Variants in TRAF7 observed in about 807,000 individuals in gnomAD.
The protein encoded by TRAF7 is E3 ubiquitin-protein ligase TRAF7.
TRAF7 carries 45 observed loss-of-function variants against 89.3 expected under a neutral mutation model. That is an observed-to-expected ratio of 0.50 (90% CI 0.40 to 0.65). The LOEUF (loss-of-function observed/expected upper bound fraction) is 0.65. Ranked by LOEUF, TRAF7 falls within the 30% of genes least tolerant of loss-of-function variation. TRAF7 has a pLI of 0.00. For synonymous variants in TRAF7, 406 were observed against 369.2 expected, an observed-to-expected ratio of 1.10 and a Z score of -1.14; for missense variants, 677 against 918.1, an observed-to-expected ratio of 0.74 and a Z score of 3.39.
intron 14 of TRAF7, 129 bp downstream of exon 14, chr16:2,174,462 C>T (rs963146293): frequency 2.5e-6 from 2 of 803,900 alleles, no homozygotes; most frequent in Non-Finnish European, 2.0e-6. Flanking sequence ...GGGCACCCTC[C>T]ACCCGGAGCA....
intron 11 of TRAF7, 54 bp downstream of exon 11, chr16:2,173,608 C>T: frequency 1.2e-6 from 2 of 1,600,390 alleles, no homozygotes; most frequent in Non-Finnish European, 1.7e-6. Flanking sequence ...AGGCCGGCGG[C>T]CCCGGCAGGG....
At chr16:2,167,776 G>C (rs2093092243) in intron 3 of TRAF7, among the ~76,000 whole-genome samples, 3 of 152,176 alleles carry the variant, frequency 2.0e-5, no homozygotes, top group African/African-American at 7.2e-5. Flanking sequence ...GGAGCTTGTA[G>C]AGGCCCTGAA....
chr16:2,163,536 C>G lies in TRAF7; in HGVS notation c.-38-347C>G, dbSNP rs530607117. On this transcript the variant is annotated intron_variant, in intron 1 of 20. Coordinates refer to ENST00000326181, the MANE Select transcript of TRAF7 (RefSeq NM_032271.3). This position sits in a 1 kb window ranked among gnomAD's most constrained non-coding sequence, Gnocchi z 4.3. ...CAGCCTTGGCCCCAGGGACATTCAG[C>G]CTGGAGGTGACTGGCTGTGACTCAG... 110 of 281,072 alleles carry G rather than the reference C, an allele frequency of 3.9e-4. No individual in the cohort carries two copies. Among genetic ancestry groups the G allele is most frequent in the African/African-American group, 2.4e-3 (105 of 43,918 alleles). 17.4% of individuals were successfully genotyped at this position (281,072 alleles called of 1,614,324 possible).
At position 2,176,726 on chromosome 16, in the gene TRAF7, G is replaced by A; in HGVS notation, c.*152G>A. 5 of 1,141,182 alleles carry A rather than the reference G, an allele frequency of 4.4e-6. No individual in the cohort carries two copies. The highest frequency in any genetic ancestry group is 6.4e-6 in the Non-Finnish European group (5 of 784,180). 70.7% of individuals were successfully genotyped at this position (1,141,182 alleles called of 1,614,324 possible). ...CCGGGCAGTGCCCTCCCCGTCCCAT[G>A]CTCGGCGAGCCTCCCTCTACTCGGC... On this transcript the variant is annotated 3_prime_UTR_variant, in exon 21 of 21. Coordinates refer to ENST00000326181, the MANE Select transcript of TRAF7 (RefSeq NM_032271.3).
At chr16:2,160,813 C>T (rs1347446168) in intron 1 of TRAF7, among the ~76,000 whole-genome samples, 1 of 152,024 alleles carries the variant, frequency 6.6e-6, no homozygotes. Flanking sequence ...CCCCCAGCCT[C>T]GATGACTGTG....
intron 4 of TRAF7, among the ~76,000 whole-genome samples, chr16:2,169,858 G>A (rs527686702): frequency 2.6e-5 from 4 of 152,208 alleles, no homozygotes; most frequent in Non-Finnish European, 4.4e-5. Context: ...CCAGGCTGCC[G>A]GGAAGGGGGC....
Position 2,173,542 on chromosome 16 carries a change from A to G in TRAF7, c.1074A>G (p.Ala358=). ...ACCTCATGGAGTTCCGGCGGGACGC[A>G]TCCATGTTAAATGTGAGCGGGCGGG... The part of the protein sequence containing the change: ...SEDLMEFRRD[A]SMLNDELSHI... The change falls in exon 11 of 21, where the codon GCA becomes GCG. Residue 358 remains alanine, a synonymous_variant. Transcript: ENST00000326181. 1 of 1,613,142 alleles carries G rather than the reference A, an allele frequency of 6.2e-7. No individual in the cohort carries two copies. Among genetic ancestry groups the G allele is most frequent in the Non-Finnish European group, 8.5e-7 (1 of 1,179,812 alleles).
intron 14 of TRAF7, 53 bp downstream of exon 14, chr16:2,174,386 C>T: frequency 1.9e-6 from 3 of 1,571,866 alleles, no homozygotes; most frequent in Non-Finnish European, 2.6e-6. Flanking sequence ...AGACGTGGCG[C>T]TGCCACCCCG....
chr16:2,175,379 C>T lies in TRAF7; in HGVS notation c.1465C>T (p.His489Tyr), dbSNP rs746364127. Residue 489 changes from histidine (H) to tyrosine (Y), a missense_variant, in exon 16 of 21, where the codon CAC becomes TAC. This residue lies in a region of TRAF7 where 160 missense variants were observed against 263.7 expected (regional missense o/e 0.61). Coordinates refer to ENST00000326181, the MANE Select transcript of TRAF7 (RefSeq NM_032271.3). The stretch of plus-strand genomic sequence containing the variant: ...CCCGGTGTGCACGCTGGTCTCCTCA[C>T]ACAACGTGCTCTTCAGCGGCTCCCT... ...DNPVCTLVSS[H>Y]NVLFSGSLKA... 6.2e-7 allele frequency: 1 copy of T among 1,613,660 alleles called. No homozygotes were observed. Among genetic ancestry groups the T allele is most frequent in the South Asian group, 1.1e-5 (1 of 91,090 alleles).
chr16:2,160,298 G>A (rs1037927093), intron 1 of TRAF7, among the ~76,000 whole-genome samples: 3 of 152,086 alleles, frequency 2.0e-5, no homozygotes, highest in East Asian at 1.9e-4. Flanking sequence ...GCTGACCCAC[G>A]CACCTCGCCC....
Position 2,165,903 on chromosome 16 carries a change from C to T in TRAF7, c.106C>T (p.Pro36Ser). Residue 36 changes from proline (P) to serine (S), a missense_variant, in exon 3 of 21, where the codon CCC (proline) becomes TCC (serine). Coordinates refer to ENST00000326181, the MANE Select transcript of TRAF7 (RefSeq NM_032271.3). ...TGTRMETTFG[P>S]AFSAVTTITK... ...GACCAGAATGGAAACGACCTTCGGA[C>T]CCGCCTTTTCAGCCGTCACCACCAT... The T allele has an allele frequency of 6.2e-7, 1 of 1,614,120 alleles. No homozygotes were observed. The highest frequency in any genetic ancestry group is 1.7e-5 in the Admixed American group (1 of 60,018).
In TRAF7 at chr16:2,175,524, C is replaced by T; in HGVS notation, c.1528C>T (p.Leu510=). 6.2e-7 allele frequency: 1 copy of T among 1,613,350 alleles called. No individual in the cohort carries two copies. The highest frequency in any genetic ancestry group is 8.5e-7 in the Non-Finnish European group (1 of 1,179,992). The change falls in exon 17 of 21, where the codon CTG becomes TTG. Residue 510 remains leucine, a synonymous_variant. Coordinates refer to ENST00000326181, the MANE Select transcript of TRAF7 (RefSeq NM_032271.3). ...IKVWDIVGTE[L]KLKKELTGLN... ...GGTCTGGGACATCGTGGGCACTGAG[C>T]TGAAGTTGAAGAAGGAGCTCACAGG...
rs2093133975 is a variant in TRAF7, at chr16:2,175,979, G to A, written c.1746+26G>A. ...GTAAGGCCTGGGCATCTGGGTGCAA[G>A]GCCAGACTGTGGCCCCGTCTCCCCC... On this transcript the variant is annotated intron_variant, in intron 18 of 20. Transcript: ENST00000326181. The A allele has an allele frequency of 3.7e-6, 6 of 1,612,728 alleles. No homozygotes were observed. The South Asian group carries it at 6.6e-5, about 18-fold the overall frequency.
At position 2,163,864 on chromosome 16, in the gene TRAF7, A is replaced by G; in HGVS notation, c.-38-19A>G. On this transcript the variant is annotated intron_variant, in intron 1 of 20. Transcript: ENST00000326181. The surrounding 1 kb of genome is among the most constrained non-coding windows in gnomAD (Gnocchi z 4.3). ...CTGGGCTCCATCTCTCAAGCCCCTC[A>G]TTTGTGCTCCACCCACAGGAGGTGC... 2 of 1,505,636 alleles carry G rather than the reference A, an allele frequency of 1.3e-6. No individual in the cohort carries two copies. The highest frequency in any genetic ancestry group is 1.8e-5 in the Admixed American group (1 of 56,168). 93.3% of individuals were successfully genotyped at this position (1,505,636 alleles called of 1,614,324 possible).
At chr16:2,174,216 C>T (rs1302874782) in intron 13 of TRAF7, 35 bp from the exon 14 acceptor site, 2 of 1,607,060 alleles carry the variant, frequency 1.2e-6, no homozygotes, top group Non-Finnish European at 1.7e-6. Flanking sequence ...CTGGGCTGAC[C>T]TTGCTGGGAC....
chr16:2,176,128 C>T lies in TRAF7; in HGVS notation c.1826C>T (p.Ser609Leu), dbSNP rs752689284. Residue 609 changes from serine to leucine, a missense_variant, in exon 19 of 21, where the codon TCG becomes TTG. Coordinates refer to ENST00000326181, the MANE Select transcript of TRAF7 (RefSeq NM_032271.3). ...VGTVYALAVI[S>L]TPDQTKVFSA... ...ACCGTGTATGCCCTGGCGGTCATCT[C>T]GACGCCAGACCAGACCAAAGTCTTC... 1.1e-5 allele frequency: 17 copies of T among 1,610,474 alleles called. No homozygotes were observed. Among genetic ancestry groups the T allele is most frequent in the Admixed American group, 5.0e-5 (3 of 59,908 alleles).
chr16:2,175,068 A>G (rs758545928), intron 14 of TRAF7, 43 bp from the exon 15 acceptor site: 3 of 1,613,430 alleles, frequency 1.9e-6, no homozygotes, highest in Non-Finnish European at 2.5e-6. Flanking sequence ...GTCAGCATGG[A>G]CACAGCTTCT....
chr16:2,158,780 G>C lies in TRAF7; in HGVS notation c.-39+2922G>C, dbSNP rs1405047464. On this transcript the variant is annotated intron_variant, in intron 1 of 20. Coordinates refer to ENST00000326181, the MANE Select transcript of TRAF7 (RefSeq NM_032271.3). This position sits in a 1 kb window ranked among gnomAD's most constrained non-coding sequence, Gnocchi z 4.7. ...AGCGTGGGCTCGGCGGGGGGGGGGG[G>C]GACACTGCCACCCTTGGCTCTTGGG... Among the ~76,000 whole-genome samples, 6 of 150,416 alleles carry C rather than the reference G, an allele frequency of 4.0e-5. No individual in the cohort carries two copies. Among genetic ancestry groups the C allele is most frequent in the Admixed American group, 1.3e-4 (2 of 15,152 alleles).
rs752571615 is a variant in TRAF7, at chr16:2,163,437, G to A, written c.-38-446G>A. 8 of 178,540 alleles carry A rather than the reference G, an allele frequency of 4.5e-5. No homozygotes were observed. Among genetic ancestry groups the A allele is most frequent in the African/African-American group, 1.7e-4 (7 of 41,648 alleles). The allele number at this position is 178,540 out of a possible 1,614,324, so 11.1% of individuals were successfully genotyped here. The stretch of plus-strand genomic sequence containing the variant: ...ACCTGTCGTGGCAGGAAACACATTC[G>A]TCGTGCCTTGGCTGGTCCCTGTGTG... On this transcript the variant is annotated intron_variant, in intron 1 of 20. Transcript: ENST00000326181. This position sits in a 1 kb window ranked among gnomAD's most constrained non-coding sequence, Gnocchi z 4.3.
Sources: allele counts gnomAD v4.1 joint callset (sites outside exome capture counted in the v4.1 genomes callset), GRCh38; gene constraint gnomAD v4.1.1; regional missense constraint gnomAD v4.1.1; non-coding constraint Gnocchi (gnomAD v3.1); transcripts MANE v1.5; gene names NCBI Gene and HGNC (gene_info 2026-07-23, HGNC 2026-07-21).